The following PXDNL variants were observed in gnomAD, a reference collection of about 807,000 sequenced individuals.
The protein encoded by PXDNL is peroxidasin like, also known as probable oxidoreductase PXDNL.
In PXDNL, 145 loss-of-function variants were observed where a neutral mutation model predicts 150.8. The ratio of observed to expected loss-of-function variants is 0.96; its 90% confidence interval spans 0.84 to 1.10. PXDNL has a LOEUF of 1.10. Among genes scored for constraint, PXDNL ranks in the 50% least tolerant of loss-of-function variants. PXDNL has a pLI of 0.00. For synonymous variants in PXDNL, 757 were observed against 725.7 expected (o/e 1.04, Z -0.69); for missense variants, 2,087 against 1,873.9 (o/e 1.11, Z -2.10).
chr8:51,696,833 ACACACAGG>A, intron 1 of PXDNL, among the ~76,000 whole-genome samples: 1 of 149,496 alleles, frequency 6.7e-6, no homozygotes, highest in African/African-American at 2.5e-5. Flanking sequence ...ACACACACAC[ACACACAGG>A]TCCTGACACA....
At chr8:51,672,358 C>G (rs1489976018) in intron 1 of PXDNL, among the ~76,000 whole-genome samples, 1 of 152,184 alleles carries the variant, frequency 6.6e-6, no homozygotes, top group Non-Finnish European at 1.5e-5. Flanking sequence ...AGTAAATTAT[C>G]TCACAAGGAC....
intron 4 of PXDNL, among the ~76,000 whole-genome samples, chr8:51,516,979 C>G (rs1393608530): frequency 6.6e-6 from 1 of 152,106 alleles, no homozygotes; most frequent in Non-Finnish European, 1.5e-5. Flanking sequence ...AATTATCCAC[C>G]TTTTATTTCA....
intron 2 of PXDNL, among the ~76,000 whole-genome samples, chr8:51,644,013 G>A (rs1017702868): frequency 3.3e-5 from 5 of 151,724 alleles, no homozygotes; most frequent in Non-Finnish European, 5.9e-5. Flanking sequence ...GGGCATGGTG[G>A]CAGGCACCTG....
intron 1 of PXDNL, among the ~76,000 whole-genome samples, chr8:51,806,521 A>C (rs1162158034): frequency 6.6e-6 from 1 of 152,098 alleles, no homozygotes; most frequent in Non-Finnish European, 1.5e-5. Context: ...ATCCTACATC[A>C]AGGATTTTTA....
chr8:51,729,903 C>T (rs1319499651), intron 1 of PXDNL, among the ~76,000 whole-genome samples: 1 of 152,260 alleles, frequency 6.6e-6, no homozygotes, highest in East Asian at 1.9e-4. Context: ...CTATGTGACA[C>T]ACTATGGCAT....
Position 51,533,488 on chromosome 8 carries a change from C to T in PXDNL, c.380+23352G>A, listed in dbSNP as rs6473617. Among the ~76,000 whole-genome samples the T allele has an allele frequency of 5.9e-3, 672 of 113,244 alleles. 22 individuals are homozygous for T. The highest frequency in any genetic ancestry group is 0.025 in the African/African-American group (633 of 25,076). 74.3% of individuals were successfully genotyped at this position (113,244 alleles called of 152,430 possible). On this transcript the variant is annotated intron_variant, in intron 4 of 22. Coordinates refer to ENST00000356297, the MANE Select transcript of PXDNL (RefSeq NM_144651.5). ...TAAAGTTTGAGAAGACCTCTCCCTC[C>T]CCCTCCCCCTCCCCCTCCCTCTCCC...
chr8:51,335,116 G>A (rs1436811372), intron 21 of PXDNL, among the ~76,000 whole-genome samples: 2 of 152,142 alleles, frequency 1.3e-5, no homozygotes, highest in Admixed American at 6.5e-5. Flanking sequence ...TCTAATGTAT[G>A]CATTTTTTTC....
chr8:51,408,255 G>C lies in PXDNL; in HGVS notation c.3369C>G (p.Thr1123=). The C allele has an allele frequency of 1.2e-6, 2 of 1,613,964 alleles. No individual in the cohort carries two copies. Among genetic ancestry groups the C allele is most frequent in the Non-Finnish European group, 1.7e-6 (2 of 1,179,900 alleles). ...APSYLLSPEL[T]QRLFSAAYSA... ...AATAAGCCGCGGAGAAGAGCCTCTGGGTCAGCTCAGGACTGAGAAGGTAGG... is the reference window on the plus strand; with the variant it reads ...AATAAGCCGCGGAGAAGAGCCTCTGCGTCAGCTCAGGACTGAGAAGGTAGG... Residue 1123 remains threonine (T), a synonymous_variant, in exon 17 of 23, where the codon ACC becomes ACG. Transcript: ENST00000356297.
intron 1 of PXDNL, among the ~76,000 whole-genome samples, chr8:51,722,550 T>A (rs188445531): frequency 1.3e-5 from 2 of 151,956 alleles, no homozygotes; most frequent in African/African-American, 4.8e-5. Context: ...GAATGCAGGG[T>A]TTTTATTGAG....
intron 2 of PXDNL, among the ~76,000 whole-genome samples, chr8:51,637,736 G>A (rs1201130500): frequency 6.6e-6 from 1 of 152,222 alleles, no homozygotes; most frequent in African/African-American, 2.4e-5. Flanking sequence ...TGGTCTACCT[G>A]AAAGTGACAG....
intron 1 of PXDNL, among the ~76,000 whole-genome samples, chr8:51,751,133 A>C (rs2130976142): frequency 6.6e-6 from 1 of 152,330 alleles, no homozygotes; most frequent in South Asian, 2.1e-4. Context: ...TTGCCAAGAA[A>C]AATTGGAAGA....
intron 8 of PXDNL, among the ~76,000 whole-genome samples, chr8:51,464,382 CA>C (rs1810156787): frequency 7.3e-4 from 1 of 1,372 alleles, no homozygotes; most frequent in African/African-American, 1.1e-3. Context: ...AGCAGAACTA[CA>C]TGAAACTGAG....
intron 17 of PXDNL, among the ~76,000 whole-genome samples, chr8:51,399,680 A>G (rs1808189439): frequency 6.6e-6 from 1 of 152,176 alleles, no homozygotes; most frequent in East Asian, 1.9e-4. Flanking sequence ...ATATTGTTCA[A>G]AGGCATCAAA....
At chr8:51,506,162 T>C (rs1811281836) in intron 4 of PXDNL, among the ~76,000 whole-genome samples, 1 of 152,190 alleles carries the variant, frequency 6.6e-6, no homozygotes, top group African/African-American at 2.4e-5. Flanking sequence ...GAGAATTATA[T>C]TTATTCTTAA....
Position 51,362,013 on chromosome 8 carries a change from A to G in PXDNL, c.3901+9860T>C, listed in dbSNP as rs28507113. ...GAGAATTCTTAAATTAGTCTTAACT[A>G]GGGATGCCTATTGATAGGCAAAAGC... On this transcript the variant is annotated intron_variant, in intron 19 of 22. Transcript: ENST00000356297. Among the ~76,000 whole-genome samples the G allele has an allele frequency of 3.4e-3, 508 of 151,092 alleles. 5 individuals carry two copies. Among genetic ancestry groups the G allele is most frequent in the African/African-American group, 0.012 (485 of 41,358 alleles).
chr8:51,493,431 G>C (rs1190314160), intron 5 of PXDNL, among the ~76,000 whole-genome samples: 1 of 152,236 alleles, frequency 6.6e-6, no homozygotes, highest in East Asian at 1.9e-4. Context: ...AAGCTGGAAG[G>C]AGAATGACTT....
intron 1 of PXDNL, among the ~76,000 whole-genome samples, chr8:51,774,561 G>A (rs2037331449): frequency 6.6e-6 from 1 of 152,200 alleles, no homozygotes; most frequent in South Asian, 2.1e-4. Flanking sequence ...GCTCATGCCT[G>A]TAATCCTAGC....
rs529286831 is a variant in PXDNL at position 51,613,458 on chromosome 8, C to G, written c.237-20760G>C. 2.7e-4 allele frequency among the ~76,000 whole-genome samples: 28 copies of G among 102,182 alleles called. 1 individual carries two copies. In the South Asian group the frequency reaches 9.4e-3, roughly 34 times the overall value. 67.0% of individuals were successfully genotyped at this position (102,182 alleles called of 152,430 possible). Reference sequence around the variant, plus strand: ...CCAGAGATTTTAGGTAAAGAGGATCCGGGGAAACCTCACAGCTTAAGGGGG... The same window carrying G: ...CCAGAGATTTTAGGTAAAGAGGATCGGGGGAAACCTCACAGCTTAAGGGGG... On this transcript the variant is annotated intron_variant, in intron 2 of 22. Coordinates refer to ENST00000356297, the MANE Select transcript of PXDNL (RefSeq NM_144651.5).
intron 1 of PXDNL, among the ~76,000 whole-genome samples, chr8:51,705,233 G>A (rs1279224229): frequency 1.3e-5 from 2 of 152,140 alleles, no homozygotes; most frequent in African/African-American, 2.4e-5. Context: ...CTCTGCCCCA[G>A]GACTCAGTCA....
Sources: gnomAD v4.1 joint callset for allele counts (sites outside exome capture counted in the v4.1 genomes callset) on GRCh38, gnomAD v4.1.1 for gene constraint, MANE v1.5 for transcripts, NCBI Gene and HGNC (gene_info 2026-07-23, HGNC 2026-07-21) for gene names.